AP1G1: variants seen among roughly 807,000 people sequenced by gnomAD.
AP1G1 encodes adaptor related protein complex 1 subunit gamma 1.
A neutral mutation model predicts 108.3 loss-of-function variants in AP1G1; 7 were observed. That is an observed-to-expected ratio of 0.06 (90% confidence interval 0.04 to 0.12). The LOEUF is 0.12. Ranked by LOEUF, AP1G1 falls within the 10% of genes least tolerant of loss-of-function variation. The pLI is 1.00. For synonymous variants in AP1G1, 379 were observed against 353.5 expected (o/e 1.07, Z -0.81); for missense variants, 756 against 1,010.7 (o/e 0.75, Z 3.42).
rs2032528877 is a variant in AP1G1, at chr16:71,794,866, C to CTTTTTTTTTTTTTTT, written c.-3-5385_-3-5384insAAAAAAAAAAAAAAA. Among the ~76,000 whole-genome samples the CTTTTTTTTTTTTTTT allele has an allele frequency of 7.7e-3, 360 of 46,584 alleles. 1 individual carries two copies. Among genetic ancestry groups the CTTTTTTTTTTTTTTT allele is most frequent in the Non-Finnish European group, 9.3e-3 (227 of 24,322 alleles). The allele number at this position is 46,584 out of a possible 152,430, so 30.6% of individuals were successfully genotyped here. A position where few individuals can be genotyped will look rare whatever the true frequency, so the allele number is the denominator to read the frequency against. On this transcript the variant is annotated intron_variant, in intron 1 of 22. Transcript: ENST00000299980. ...TTTTTTTTTTTTTTTTTTTTTTTTA[C>CTTTTTTTTTTTTTTT]TTTGAAATGCCTATTTTTCCCACTA...
At chr16:71,750,381 A>T (rs752153545) in intron 13 of AP1G1, 49 bp from the exon 14 acceptor site, 1 of 1,603,038 alleles carries the variant, frequency 6.2e-7, no homozygotes, top group Non-Finnish European at 8.5e-7. Context: ...AGAAATGATG[A>T]TAACAAGTGT....
Position 71,791,468 on chromosome 16 carries a change from T to G in AP1G1, c.-3-1986A>C, listed in dbSNP as rs552376739. Among the ~76,000 whole-genome samples the G allele has an allele frequency of 3.9e-5, 6 of 152,198 alleles. No individual in the cohort carries two copies. In the East Asian group the frequency reaches 1.2e-3, roughly 29 times the overall value. On this transcript the variant is annotated intron_variant, in intron 1 of 22. Coordinates refer to ENST00000299980, the MANE Select transcript of AP1G1 (RefSeq NM_001128.6). Reference sequence around the variant, plus strand: ...AACCACTCAAGTAACAAAACATTACTGTAAAATCTTGTGAAGAATGTTGTA... The same window carrying G: ...AACCACTCAAGTAACAAAACATTACGGTAAAATCTTGTGAAGAATGTTGTA...
At chr16:71,780,049 A>G (rs999565789) in intron 2 of AP1G1, among the ~76,000 whole-genome samples, 18 of 143,764 alleles carry the variant, frequency 1.3e-4, no homozygotes, top group African/African-American at 4.2e-4. Context: ...GCTGGGGTGC[A>G]GTGGTGCGAT....
At chr16:71,757,366 G>C (rs901245552) in intron 11 of AP1G1, among the ~76,000 whole-genome samples, 2 of 149,992 alleles carry the variant, frequency 1.3e-5, no homozygotes, top group African/African-American at 4.9e-5. Context: ...CAGGAGAATC[G>C]CTTGAACTCA....
intron 6 of AP1G1, 26 bp downstream of exon 6, chr16:71,769,597 G>A (rs1299692800): frequency 6.3e-7 from 1 of 1,585,878 alleles, no homozygotes; most frequent in Non-Finnish European, 8.7e-7. Flanking sequence ...ATCAAGAAAG[G>A]CTTAGGCATA....
chr16:71,786,723 T>TGC (rs2032215768), intron 2 of AP1G1, among the ~76,000 whole-genome samples: 4 of 152,080 alleles, frequency 2.6e-5, no homozygotes, highest in African/African-American at 7.2e-5. Context: ...CCTCCCAAAG[T>TGC]TCTGGGTGTA....
intron 11 of AP1G1, among the ~76,000 whole-genome samples, chr16:71,756,630 G>A (rs951918573): frequency 3.9e-5 from 6 of 152,130 alleles, no homozygotes; most frequent in Non-Finnish European, 5.9e-5. Flanking sequence ...CAAAAGGTAT[G>A]CAGAAAATTC....
At chr16:71,747,570 GATTCTGTCAT>G (rs1446430292) in intron 16 of AP1G1, among the ~76,000 whole-genome samples, 1 of 150,978 alleles carries the variant, frequency 6.6e-6, no homozygotes, top group Non-Finnish European at 1.5e-5. Context: ...AACAGAGCAA[GATTCTGTCAT>G]AAAATAAAAT....
intron 4 of AP1G1, chr16:71,772,862 T>A (rs554791080): frequency 6.1e-6 from 2 of 326,340 alleles, no homozygotes; most frequent in East Asian, 8.6e-5. Flanking sequence ...TAGGTCCCAA[T>A]AGAACTGCCC....
intron 5 of AP1G1, among the ~76,000 whole-genome samples, chr16:71,770,583 T>C (rs1265998752): frequency 1.3e-5 from 2 of 152,226 alleles, no homozygotes; most frequent in Non-Finnish European, 2.9e-5. Flanking sequence ...GTACAAGCCA[T>C]CCTCCCACTT....
At chr16:71,749,412 A>G (rs1408951854) in intron 15 of AP1G1, among the ~76,000 whole-genome samples, 1 of 151,676 alleles carries the variant, frequency 6.6e-6, no homozygotes, top group East Asian at 2.0e-4. Flanking sequence ...GAAACCCAGG[A>G]GATCAAGGCT....
At chr16:71,733,248 G>T in intron 22 of AP1G1, 89 bp from the exon 23 acceptor site, 1 of 1,047,478 alleles carries the variant, frequency 9.5e-7, no homozygotes. Context: ...TAATCTTAGA[G>T]GTCAAAACTT....
intron 1 of AP1G1, among the ~76,000 whole-genome samples, chr16:71,802,424 A>G (rs916459834): frequency 4.6e-5 from 7 of 151,930 alleles, no homozygotes; most frequent in African/African-American, 1.4e-4. Context: ...AGACACCACA[A>G]CCCAGCTACT....
chr16:71,806,627 C>T (rs1053550853), intron 1 of AP1G1: 7 of 1,114,922 alleles, frequency 6.3e-6, no homozygotes, highest in Non-Finnish European at 8.3e-6. Flanking sequence ...TAACACCTTA[C>T]TTGAAAAGTC....
intron 2 of AP1G1, among the ~76,000 whole-genome samples, chr16:71,783,988 A>G (rs2032113365): frequency 6.6e-6 from 1 of 152,140 alleles, no homozygotes; most frequent in Admixed American, 6.6e-5. Flanking sequence ...TAACCTACAC[A>G]CGCAAAAGGT....
chr16:71,791,093 C>T (rs1023411018), intron 1 of AP1G1, among the ~76,000 whole-genome samples: 1 of 151,970 alleles, frequency 6.6e-6, no homozygotes, highest in Non-Finnish European at 1.5e-5. Context: ...TGGTGGCACA[C>T]ACCTGTAGGC....
At chr16:71,745,713 A>G (rs188567382) in intron 17 of AP1G1, 99 bp from the exon 18 acceptor site, 3 of 975,962 alleles carry the variant, frequency 3.1e-6, no homozygotes, top group East Asian at 4.8e-5. Flanking sequence ...ATGGAGATCT[A>G]TCTCCCCTCC....
In AP1G1 at chr16:71,774,056, C is replaced by T. The variant is rs1241222703; in HGVS notation, c.326+412G>A. 4.1e-5 allele frequency among the ~76,000 whole-genome samples: 6 copies of T among 147,994 alleles called. No homozygotes were observed. In the Middle Eastern group the frequency reaches 0.011, roughly 270 times the overall value. ...CAGCCTGGGCAACAGAGCGAGACTC[C>T]GTCTCAAAAAGAAAAAAAAAAAAAA... On this transcript the variant is annotated intron_variant, in intron 3 of 22. Coordinates refer to ENST00000299980, the MANE Select transcript of AP1G1 (RefSeq NM_001128.6).
chr16:71,769,810 CTTT>C (rs1423424375), intron 5 of AP1G1, 111 bp from the exon 6 acceptor site: 1 of 800,330 alleles, frequency 1.2e-6, no homozygotes, highest in Non-Finnish European at 2.1e-6. Context: ...GCTACTTTTG[CTTT>C]TTAATCCCCC....
Sources: allele counts gnomAD v4.1 joint callset (sites outside exome capture counted in the v4.1 genomes callset), GRCh38; gene constraint gnomAD v4.1.1; transcripts MANE v1.5; gene names NCBI Gene and HGNC (gene_info 2026-07-23, HGNC 2026-07-21).